Variants in NCKAP5 observed in about 807,000 individuals in gnomAD.
NCKAP5 encodes nck-associated protein 5.
In NCKAP5, 92 loss-of-function variants were observed where a neutral mutation model predicts 167.0. The observed-to-expected ratio is 0.55, with a 90% CI of 0.47 to 0.66. The LOEUF (loss-of-function observed/expected upper bound fraction) is 0.66. Ranked by LOEUF, NCKAP5 falls within the 30% of genes least tolerant of loss-of-function variation. The probability of loss-of-function intolerance (pLI) is 0.00; values close to 1 mark genes in which losing one functional copy is unlikely to be tolerated. For synonymous variants in NCKAP5, 891 were observed against 877.4 expected, an observed-to-expected ratio of 1.02 and a Z score of -0.27; for missense variants, 2,378 against 2,315.0, an observed-to-expected ratio of 1.03 and a Z score of -0.56.
chr2:133,003,182 C>T (rs557008943), intron 6 of NCKAP5, among the ~76,000 whole-genome samples: 1 of 152,332 alleles, frequency 6.6e-6, no homozygotes, highest in Non-Finnish European at 1.5e-5. Flanking sequence ...CAGCCCACTG[C>T]TCTCCTACTT....
chr2:133,054,143 G>A (rs879924732), intron 6 of NCKAP5, among the ~76,000 whole-genome samples: 1 of 152,132 alleles, frequency 6.6e-6, no homozygotes, highest in Non-Finnish European at 1.5e-5. Flanking sequence ...AAAAGCAGGC[G>A]ATATCTAATT....
intron 3 of NCKAP5, among the ~76,000 whole-genome samples, chr2:133,417,766 G>C (rs1454712364): frequency 6.6e-6 from 1 of 152,166 alleles, no homozygotes; most frequent in East Asian, 1.9e-4. Flanking sequence ...AGAAGAGAAG[G>C]CTGGAGGTGG....
At chr2:133,560,754 A>G (rs1431773448) in intron 1 of NCKAP5, among the ~76,000 whole-genome samples, 1 of 152,172 alleles carries the variant, frequency 6.6e-6, no homozygotes, top group African/African-American at 2.4e-5. Context: ...GTCCAAAGTG[A>G]GGGCTTACTA....
At chr2:133,491,767 A>G (rs1232478543) in intron 3 of NCKAP5, among the ~76,000 whole-genome samples, 4 of 152,184 alleles carry the variant, frequency 2.6e-5, no homozygotes, top group South Asian at 2.1e-4. Context: ...CTAAAGCCAC[A>G]TGGGCAGAGC....
At chr2:133,341,404 G>A (rs954355777) in intron 3 of NCKAP5, among the ~76,000 whole-genome samples, 15 of 151,884 alleles carry the variant, frequency 9.9e-5, no homozygotes, top group Middle Eastern at 3.2e-3. Flanking sequence ...CTTGCTTAGA[G>A]GAATATAGGA....
At chr2:132,983,409 T>A (rs775764437) in intron 7 of NCKAP5, among the ~76,000 whole-genome samples, 4 of 152,152 alleles carry the variant, frequency 2.6e-5, no homozygotes, top group African/African-American at 9.7e-5. Flanking sequence ...ATGCTTCCAG[T>A]TTTTGCCCTT....
chr2:133,615,099 T>C, the NCKAP5 span, among the ~76,000 whole-genome samples: 1 of 151,418 alleles, frequency 6.6e-6, no homozygotes, highest in African/African-American at 2.4e-5. Flanking sequence ...AAGCAAATGC[T>C]GAGAGATTTT....
At chr2:133,237,178 A>G (rs1356449257) in intron 4 of NCKAP5, among the ~76,000 whole-genome samples, 1 of 152,180 alleles carries the variant, frequency 6.6e-6, no homozygotes, top group Non-Finnish European at 1.5e-5. Context: ...TTTTAAAAAA[A>G]AGCTGTACTT....
At chr2:133,523,784 C>T (rs10172908) in intron 2 of NCKAP5, among the ~76,000 whole-genome samples, 7,059 of 152,198 alleles carry the variant, frequency 0.046, 535 homozygotes, top group African/African-American at 0.16. Context: ...AGCTCCCACA[C>T]GGTAGGCATG....
At chr2:132,964,497 C>A (rs1345004838) in intron 7 of NCKAP5, among the ~76,000 whole-genome samples, 2 of 152,140 alleles carry the variant, frequency 1.3e-5, no homozygotes, top group East Asian at 3.9e-4. Context: ...GGAAGCCCCT[C>A]ACTCAACCTT....
At chr2:132,978,250 T>C (rs1020898397) in intron 7 of NCKAP5, among the ~76,000 whole-genome samples, 6 of 152,172 alleles carry the variant, frequency 3.9e-5, no homozygotes, top group African/African-American at 1.2e-4. Context: ...CCATGACAAA[T>C]GGCTCTCCCG....
Position 133,353,886 on chromosome 2 carries a change from T to C in NCKAP5, c.70-50776A>G, listed in dbSNP as rs911090021. Among the ~76,000 whole-genome samples, 3 of 152,214 alleles carry C rather than the reference T, an allele frequency of 2.0e-5. No homozygotes were observed. The South Asian group carries it at 6.2e-4, about 32-fold the overall frequency. On this transcript the variant is annotated intron_variant, in intron 3 of 19. Transcript: ENST00000409261. The stretch of plus-strand genomic sequence containing the variant: ...CCTCCACCACTCAGTAAAACCCCTA[T>C]CCATCCTTCAAGACCTGCTTCTTCC...
chr2:133,415,822 T>C (rs1689076160), intron 3 of NCKAP5, among the ~76,000 whole-genome samples: 1 of 152,254 alleles, frequency 6.6e-6, no homozygotes, highest in African/African-American at 2.4e-5. Flanking sequence ...TCTCTTTCCA[T>C]TTTTTGAAAT....
intron 1 of NCKAP5, among the ~76,000 whole-genome samples, chr2:133,564,964 G>A (rs1688440006): frequency 6.6e-6 from 1 of 152,218 alleles, no homozygotes. Context: ...GAGACACAGA[G>A]GCTGAAGAGG....
intron 11 of NCKAP5, among the ~76,000 whole-genome samples, chr2:132,810,189 T>C (rs982333438): frequency 3.3e-5 from 5 of 152,238 alleles, no homozygotes; most frequent in Non-Finnish European, 7.3e-5. Context: ...CTAGGTTACC[T>C]GGTGCCTCTT....
intron 5 of NCKAP5, among the ~76,000 whole-genome samples, chr2:133,184,068 C>T (rs2084844125): frequency 6.6e-6 from 1 of 151,920 alleles, no homozygotes; most frequent in African/African-American, 2.4e-5. Flanking sequence ...TCCTGTCACC[C>T]AAGTAGTGAG....
intron 4 of NCKAP5, among the ~76,000 whole-genome samples, chr2:133,273,234 C>T (rs2089592416): frequency 6.6e-6 from 1 of 152,130 alleles, no homozygotes; most frequent in Non-Finnish European, 1.5e-5. Context: ...TATAGTCATG[C>T]TAGAGGATAT....
At chr2:132,855,116 A>G (rs6706622) in intron 11 of NCKAP5, among the ~76,000 whole-genome samples, 4,689 of 152,196 alleles carry the variant, frequency 0.031, 246 homozygotes, top group African/African-American at 0.11. Flanking sequence ...CACGTGTTAC[A>G]TCTCATCATC....
In NCKAP5 at chr2:133,052,582, G is replaced by C. The variant is rs537122421; in HGVS notation, c.342-58343C>G. 3.9e-4 allele frequency among the ~76,000 whole-genome samples: 60 copies of C among 152,158 alleles called. No individual in the cohort carries two copies. In the South Asian group the frequency reaches 0.012, roughly 32 times the overall value. The stretch of plus-strand genomic sequence containing the variant: ...AAAGTACAAAAATTAGTTGGGTGTG[G>C]TGGTGGGCACCTGTAATCCCAGATA... On this transcript the variant is annotated intron_variant, in intron 6 of 19. Coordinates refer to ENST00000409261, the MANE Select transcript of NCKAP5 (RefSeq NM_207363.3).
Sources: gnomAD v4.1 joint callset for allele counts (sites outside exome capture counted in the v4.1 genomes callset) on GRCh38, gnomAD v4.1.1 for gene constraint, MANE v1.5 for transcripts, NCBI Gene and HGNC (gene_info 2026-07-23, HGNC 2026-07-21) for gene names.